COMMD1: variants seen among roughly 807,000 people sequenced by gnomAD.
COMMD1 encodes the protein copper metabolism domain containing 1, also known as COMM domain-containing protein 1.
In COMMD1, 10 loss-of-function variants were observed where a neutral mutation model predicts 17.2. The observed-to-expected ratio is 0.58, with a 90% CI of 0.36 to 0.99. The LOEUF is 0.99. Among genes scored for constraint, COMMD1 ranks in the 50% least tolerant of loss-of-function variants. COMMD1 has a pLI of 0.01. For missense variants in COMMD1, 270 were observed against 231.8 expected (o/e 1.17, Z -1.07); for synonymous variants, 97 against 91.6 (o/e 1.06, Z -0.34).
At chr2:61,939,413 C>T (rs1305234754) in intron 1 of COMMD1, among the ~76,000 whole-genome samples, 1 of 151,630 alleles carries the variant, frequency 6.6e-6, no homozygotes, top group Non-Finnish European at 1.5e-5. Context: ...TTGCAGTGAG[C>T]CGAGATTGCG....
At chr2:61,917,273 C>T (rs764115650) in intron 1 of COMMD1, among the ~76,000 whole-genome samples, 2 of 151,604 alleles carry the variant, frequency 1.3e-5, no homozygotes, top group South Asian at 4.2e-4. Flanking sequence ...AGGAGAATCG[C>T]TTGAACCCGG....
At chr2:61,905,944 C>A in intron 1 of COMMD1, 86 bp downstream of exon 1, 1 of 1,352,226 alleles carries the variant, frequency 7.4e-7, no homozygotes, top group Non-Finnish European at 1.1e-6. Flanking sequence ...CTTCCCCTGT[C>A]CTCACAAGCC....
At chr2:62,057,974 G>C (rs1289923240) in intron 2 of COMMD1, among the ~76,000 whole-genome samples, 1 of 151,922 alleles carries the variant, frequency 6.6e-6, no homozygotes, top group East Asian at 1.9e-4. Flanking sequence ...ATTTGAGCAT[G>C]GTTTATTTTA....
intron 2 of COMMD1, among the ~76,000 whole-genome samples, chr2:62,014,542 CTTTTTTTTTTTTTTTTTTTTTTTT>C (rs67886279): frequency 4.7e-5 from 3 of 63,534 alleles, no homozygotes; most frequent in African/African-American, 1.4e-4. Context: ...CCATTTTAAC[CTTTTTTTTTTTTTTTTTTTTTTTT>C]TTTTTTTTTT....
chr2:61,968,945 CTTTTTTT>C, intron 1 of COMMD1: 11 of 213,678 alleles, frequency 5.1e-5, no homozygotes, highest in South Asian at 1.6e-4. Context: ...TTTATTTAGT[CTTTTTTT>C]TTTTTTTTTT....
chr2:62,012,270 TACACACACACACACACAC>T (rs57739132), intron 2 of COMMD1, among the ~76,000 whole-genome samples: 9 of 129,896 alleles, frequency 6.9e-5, no homozygotes, highest in Admixed American at 3.9e-4. Flanking sequence ...CACACACACA[TACACACACACACACACAC>T]ACACACACAC....
At position 62,000,819 on chromosome 2, in the gene COMMD1, G is replaced by C. The variant is rs774317956; in HGVS notation, c.299G>C (p.Ser100Thr). The change falls in exon 2 of 3, where the codon AGC (serine) becomes ACC (threonine). Residue 100 changes from serine to threonine, a missense_variant. By Grantham distance (58) the Ser-to-Thr change is moderately conservative. Coordinates refer to ENST00000311832, the MANE Select transcript of COMMD1 (RefSeq NM_152516.4). ...GCTGTCATTTCCAAATTCTGGAAGA[G>C]CCACAAGACAAAAATCCGTGAGAGC... ...QAAVISKFWKSHKTKIRESLM... is the reference protein window; with the variant it reads ...QAAVISKFWKTHKTKIRESLM... 3.1e-6 allele frequency: 5 copies of C among 1,614,140 alleles called. No individual in the cohort carries two copies. Among genetic ancestry groups the C allele is most frequent in the Non-Finnish European group, 4.2e-6 (5 of 1,180,032 alleles).
intron 1 of COMMD1, among the ~76,000 whole-genome samples, chr2:61,946,057 C>T (rs1050078599): frequency 5.3e-5 from 8 of 152,136 alleles, no homozygotes; most frequent in African/African-American, 1.9e-4. Flanking sequence ...TTTTAGAATG[C>T]CCTGGCCAAG....
chr2:62,116,090 A>G (rs1052423706), intron 2 of COMMD1, among the ~76,000 whole-genome samples: 5 of 152,014 alleles, frequency 3.3e-5, no homozygotes, highest in African/African-American at 9.7e-5. Flanking sequence ...CAAGCAGTCC[A>G]TCTGCCTTGG....
intron 1 of COMMD1, among the ~76,000 whole-genome samples, chr2:61,889,852 C>T (rs1217733035): frequency 6.6e-6 from 1 of 152,146 alleles, no homozygotes; most frequent in Non-Finnish European, 1.5e-5. Flanking sequence ...TCATTTATTT[C>T]CGTTATCTGC....
At chr2:62,126,801 C>T (rs1219740588) in intron 2 of COMMD1, among the ~76,000 whole-genome samples, 6 of 152,084 alleles carry the variant, frequency 3.9e-5, no homozygotes, top group Non-Finnish European at 7.4e-5. Context: ...TGGAAGCATT[C>T]CCCTTGAAAA....
intron 1 of COMMD1, among the ~76,000 whole-genome samples, chr2:61,966,048 C>A (rs1440958282): frequency 6.6e-6 from 1 of 152,156 alleles, no homozygotes; most frequent in African/African-American, 2.4e-5. Context: ...CAGAGCTGTT[C>A]CCAATTGCTT....
rs559217635 is a variant in COMMD1 at position 62,081,083 on chromosome 2, T to G, written c.463-54748T>G. On this transcript the variant is annotated intron_variant, in intron 2 of 2. Transcript: ENST00000311832. Reference sequence around the variant, plus strand: ...GTGCTTTTGTTTTTTGATTTTAGGATTAGGATTTCTGTTGCAAAAGGTATA... The same window carrying G: ...GTGCTTTTGTTTTTTGATTTTAGGAGTAGGATTTCTGTTGCAAAAGGTATA... Among the ~76,000 whole-genome samples, 13 of 152,204 alleles carry G rather than the reference T, an allele frequency of 8.5e-5. 1 individual carries two copies. The South Asian group carries it at 2.7e-3, about 32-fold the overall frequency.
chr2:62,055,371 T>A (rs1670664997), intron 2 of COMMD1: 1 of 455,134 alleles, frequency 2.2e-6, no homozygotes, highest in Non-Finnish European at 4.4e-6. Flanking sequence ...AGCAGAAGAC[T>A]CTAAGACTGC....
chr2:62,049,427 G>T (rs1670480119), intron 2 of COMMD1, among the ~76,000 whole-genome samples: 1 of 151,886 alleles, frequency 6.6e-6, no homozygotes. Context: ...TGTCCCCCAG[G>T]GGACATTTGG....
chr2:61,977,202 T>C (rs569707449), intron 1 of COMMD1, among the ~76,000 whole-genome samples: 1 of 151,948 alleles, frequency 6.6e-6, no homozygotes, highest in East Asian at 1.9e-4. Flanking sequence ...AAGCTCAATT[T>C]TGTTATGAAT....
chr2:61,969,602 T>G (rs1041340310), intron 1 of COMMD1, among the ~76,000 whole-genome samples: 2 of 152,222 alleles, frequency 1.3e-5, no homozygotes, highest in Admixed American at 6.5e-5. Context: ...TGAACTGTTG[T>G]TAGTTCTTGG....
intron 2 of COMMD1, among the ~76,000 whole-genome samples, chr2:62,053,292 A>G (rs1019860901): frequency 1.3e-5 from 2 of 152,166 alleles, no homozygotes; most frequent in African/African-American, 4.8e-5. Flanking sequence ...ACTAATAGGA[A>G]ATAATTTGCT....
intron 2 of COMMD1, among the ~76,000 whole-genome samples, chr2:62,018,277 A>G (rs1485466078): frequency 6.6e-6 from 1 of 152,226 alleles, no homozygotes; most frequent in Non-Finnish European, 1.5e-5. Context: ...ACCACAGGGA[A>G]TAAGTGAGGA....
Sources: allele counts gnomAD v4.1 joint callset (sites outside exome capture counted in the v4.1 genomes callset), GRCh38; gene constraint gnomAD v4.1.1; transcripts MANE v1.5; gene names NCBI Gene and HGNC (gene_info 2026-07-23, HGNC 2026-07-21).